B4GALT3: variants seen among roughly 807,000 people sequenced by gnomAD.
B4GALT3 encodes the protein N-acetyllactosamine synthase.
A neutral mutation model predicts 40.7 loss-of-function variants in B4GALT3; 29 were observed. The observed-to-expected ratio is 0.71, with a 90% CI of 0.53 to 0.97. B4GALT3 has a LOEUF of 0.97. Among genes scored for constraint, B4GALT3 ranks in the 50% least tolerant of loss-of-function variants. B4GALT3 has a pLI of 0.00. For synonymous variants in B4GALT3, 182 were observed against 203.9 expected (o/e 0.89, Z 0.92); for missense variants, 390 against 522.3 (o/e 0.75, Z 2.47).
In B4GALT3 at chr1:161,171,523, G is replaced by A. The variant is rs974494638; in HGVS notation, c.*293C>T. ...CTCTCCATGGAAGAGGGAGGGGCTTGGGGTCCAGCCCTGCTCCTACTCTAG... is the reference window on the plus strand; with the variant it reads ...CTCTCCATGGAAGAGGGAGGGGCTTAGGGTCCAGCCCTGCTCCTACTCTAG... On this transcript the variant is annotated 3_prime_UTR_variant, in exon 8 of 8. Transcript: ENST00000319769. 2 of 580,456 alleles carry A rather than the reference G, an allele frequency of 3.4e-6. No homozygotes were observed. Among genetic ancestry groups the A allele is most frequent in the Non-Finnish European group, 6.1e-6 (2 of 329,466 alleles). The allele number at this position is 580,456 out of a possible 1,614,324, so 36.0% of individuals were successfully genotyped here.
rs778678677 is a variant in B4GALT3, at chr1:161,174,048, G to A, written c.491C>T (p.Ala164Val). 3.1e-6 allele frequency: 5 copies of A among 1,613,062 alleles called. No homozygotes were observed. The highest frequency in any genetic ancestry group is 4.2e-6 in the Non-Finnish European group (5 of 1,179,450). Residue 164 changes from alanine (A) to valine (V), a missense_variant and splice_region_variant, in exon 5 of 8, where the codon GCT becomes GTT. Physicochemically the swap from Ala to Val is moderately conservative, Grantham distance 64. Transcript: ENST00000319769. Reference sequence around the variant, plus strand: ...TGCCCTGTTAAATGTTCCATTTCCAGCCTGGAAGATAATGGAGGGGAACCA... The same window carrying A: ...TGCCCTGTTAAATGTTCCATTTCCAACCTGGAAGATAATGGAGGGGAACCA... ...LAYGIYVIHQ[A>V]GNGTFNRAKL...
rs569992585 is a variant in B4GALT3 at position 161,176,269 on chromosome 1, T to C, written c.-15+165A>G. On this transcript the variant is annotated intron_variant, in intron 2 of 7. Transcript: ENST00000319769. ...CACCAGTAACCCTACCACCTGTCAC[T>C]TCAGCCCAAGTTTCGCTCTCCTCTA... The C allele has an allele frequency of 7.2e-5, 47 of 656,436 alleles. No individual in the cohort carries two copies. The African/African-American group carries it at 7.5e-4, about 10-fold the overall frequency. 40.7% of individuals were successfully genotyped at this position (656,436 alleles called of 1,614,324 possible).
chr1:161,176,785 A>AC, intron 1 of B4GALT3: 1 of 1,412,380 alleles, frequency 7.1e-7, no homozygotes, highest in Non-Finnish European at 9.6e-7. Context: ...CCGTACCCCC[A>AC]CCCCAACAGG....
rs1447729429 is a variant in B4GALT3 at position 161,175,059 on chromosome 1, C to T, written c.423G>A (p.Leu141=). 1.2e-6 allele frequency: 2 copies of T among 1,613,926 alleles called. No individual in the cohort carries two copies. The highest frequency in any genetic ancestry group is 2.7e-5 in the African/African-American group (2 of 74,932). Residue 141 remains leucine, a synonymous_variant, in exon 4 of 8, where the codon CTG becomes CTA. Transcript: ENST00000319769. ...GCAAGAAGGGGTGCAGGTGGTAGAG[C>T]AGCAGGCGCAGGTGGTGCTCCCGGG... ...HRAREHHLRL[L]LYHLHPFLQR... is the part of the protein sequence containing the mutation.
rs1269447562 is a variant in B4GALT3, at chr1:161,175,803, C to T, written c.253+5G>A. ...CTTTCACCACCTCCTTCCTCCTGCA[C>T]TTACCTAAGAGAGGAGATCGTTCTG... On this transcript the variant is annotated splice_donor_5th_base_variant and intron_variant, in intron 3 of 7. Coordinates refer to ENST00000319769, the MANE Select transcript of B4GALT3 (RefSeq NM_003779.4). 6.2e-7 allele frequency: 1 copy of T among 1,613,540 alleles called. No homozygotes were observed. The highest frequency in any genetic ancestry group is 2.2e-5 in the East Asian group (1 of 44,876).
chr1:161,174,087 G>A (rs1662514011), intron 4 of B4GALT3, 38 bp from the exon 5 acceptor site: 1 of 1,596,702 alleles, frequency 6.3e-7, no homozygotes, highest in Non-Finnish European at 8.6e-7. Flanking sequence ...TATGTCTGTA[G>A]GTGGCACGGA....
In B4GALT3 at chr1:161,172,339, A is replaced by G. The variant is rs1202655110; in HGVS notation, c.804-8T>C. On this transcript the variant is annotated splice_polypyrimidine_tract_variant and splice_region_variant and intron_variant, in intron 6 of 7. Coordinates refer to ENST00000319769, the MANE Select transcript of B4GALT3 (RefSeq NM_003779.4). ...ATCCCAGCCAGGCGCACCCTATGGGAAAAGTGAGGGTATCATGGGGGATCC... is the reference window on the plus strand; with the variant it reads ...ATCCCAGCCAGGCGCACCCTATGGGGAAAGTGAGGGTATCATGGGGGATCC... The G allele has an allele frequency of 1.2e-6, 2 of 1,612,176 alleles. No individual in the cohort carries two copies. Among genetic ancestry groups the G allele is most frequent in the Non-Finnish European group, 1.7e-6 (2 of 1,178,930 alleles).
Position 161,173,699 on chromosome 1 carries a change from C to T in B4GALT3, c.709G>A (p.Val237Ile). Residue 237 changes from valine to isoleucine, a missense_variant, in exon 6 of 8, where the codon GTC (valine) becomes ATC (isoleucine). Val to Ile is a conservative substitution (Grantham distance 29). Coordinates refer to ENST00000319769, the MANE Select transcript of B4GALT3 (RefSeq NM_003779.4). ...TACTGGTCAGGAGTAAGTGCTGAGA[C>T]TCCTCCGAAGTACTGGGGGTACGGG... ...SLPYPQYFGG[V>I]SALTPDQYLK... 6.2e-7 allele frequency: 1 copy of T among 1,614,160 alleles called. No individual in the cohort carries two copies. Among genetic ancestry groups the T allele is most frequent in the Non-Finnish European group, 8.5e-7 (1 of 1,180,012 alleles).
chr1:161,176,145 G>T, intron 2 of B4GALT3, 71 bp from the exon 3 acceptor site: 1 of 1,522,920 alleles, frequency 6.6e-7, no homozygotes, highest in Non-Finnish European at 9.0e-7. Context: ...CAGTAGGTAG[G>T]GTTGAAGGTG....
At chr1:161,172,187 A>C (rs1309045251) in intron 7 of B4GALT3, 40 bp downstream of exon 7, 1 of 1,612,332 alleles carries the variant, frequency 6.2e-7, no homozygotes, top group Non-Finnish European at 8.5e-7. Context: ...AACCCTGAGG[A>C]TCCAGTAACA....
At position 161,177,213 on chromosome 1, in the gene B4GALT3, C is replaced by T. The variant is rs1663934022; in HGVS notation, c.-161+210G>A. On this transcript the variant is annotated intron_variant, in intron 1 of 7. Coordinates refer to ENST00000319769, the MANE Select transcript of B4GALT3 (RefSeq NM_003779.4). ...CGCTGTGGAGGGGGTTAAAACCCAG[C>T]TCTTTCGGAGCACGCCCATCCTATC... 3.8e-5 allele frequency: 29 copies of T among 772,394 alleles called. No homozygotes were observed. In the South Asian group the frequency reaches 5.3e-4, roughly 14 times the overall value. 47.8% of individuals were successfully genotyped at this position (772,394 alleles called of 1,614,324 possible). A position where few individuals can be genotyped will look rare whatever the true frequency, so the allele number is the denominator to read the frequency against.
intron 1 of B4GALT3, chr1:161,177,119 G>A: frequency 6.6e-7 from 1 of 1,506,144 alleles, no homozygotes; most frequent in East Asian, 2.5e-5. Context: ...GAAGAGAAAG[G>A]GAGAGGGAGA....
At chr1:161,174,489 ACTAT>A (rs1157048066) in intron 4 of B4GALT3, among the ~76,000 whole-genome samples, 1 of 152,018 alleles carries the variant, frequency 6.6e-6, no homozygotes, top group Non-Finnish European at 1.5e-5. Flanking sequence ...AAAAAGAAAG[ACTAT>A]CTTTTTCATT....
Position 161,174,984 on chromosome 1 carries a change from T to C in B4GALT3, c.489+9A>G. 1 of 1,612,300 alleles carries C rather than the reference T, an allele frequency of 6.2e-7. No homozygotes were observed. The highest frequency in any genetic ancestry group is 8.5e-7 in the Non-Finnish European group (1 of 1,179,060). On this transcript the variant is annotated intron_variant, in intron 4 of 7. Transcript: ENST00000319769. The stretch of plus-strand genomic sequence containing the variant: ...AAGTCAGTCAAAATGAGGTGGAGAT[T>C]GGGGGTACCTGGTGGATGACATAGA...
Position 161,175,218 on chromosome 1 carries a change from C to T in B4GALT3, c.264G>A (p.Val88=), listed in dbSNP as rs1571512467. 3 of 1,612,396 alleles carry T rather than the reference C, an allele frequency of 1.9e-6. No homozygotes were observed. The highest frequency in any genetic ancestry group is 1.1e-5 in the South Asian group (1 of 90,894). The change falls in exon 4 of 8, where the codon GTG becomes GTA. Residue 88 remains valine, a synonymous_variant. Coordinates refer to ENST00000319769, the MANE Select transcript of B4GALT3 (RefSeq NM_003779.4). ...PERSPLLVGP[V]SVSFSPVPSL... is the part of the protein sequence containing the mutation. Reference sequence around the variant, plus strand: ...ATGGCACTGGGCTAAAGGACACCGACACAGGACCCACTGTTGGGAAGGAAT... The same window carrying T: ...ATGGCACTGGGCTAAAGGACACCGATACAGGACCCACTGTTGGGAAGGAAT...
Position 161,175,996 on chromosome 1 carries a change from A to C in B4GALT3, c.65T>G (p.Val22Gly). The C allele has an allele frequency of 6.2e-7, 1 of 1,614,092 alleles. No homozygotes were observed. The highest frequency in any genetic ancestry group is 1.3e-5 in the African/African-American group (1 of 74,996). Residue 22 changes from valine to glycine, a missense_variant, in exon 3 of 8, where the codon GTC becomes GGC. Coordinates refer to ENST00000319769, the MANE Select transcript of B4GALT3 (RefSeq NM_003779.4). Reference sequence around the variant, plus strand: ...GCCCCCCAGTGACAGGTACATCATGACAGCCAGCTGGGAGCCCACAAGCAG... The same window carrying C: ...GCCCCCCAGTGACAGGTACATCATGCCAGCCAGCTGGGAGCCCACAAGCAG... ...LALLVGSQLA[V>G]MMYLSLGGFR...
intron 7 of B4GALT3, 26 bp from the exon 8 acceptor site, chr1:161,172,115 G>A: frequency 2.5e-6 from 4 of 1,612,558 alleles, no homozygotes; most frequent in Non-Finnish European, 3.4e-6. Flanking sequence ...TGGAGACTAA[G>A]ACCCAGAAAG....
At chr1:161,177,052 CTCTACCTTT>C in intron 1 of B4GALT3, 1 of 1,535,924 alleles carries the variant, frequency 6.5e-7, no homozygotes. Flanking sequence ...GGGTGGCGTC[CTCTACCTTT>C]TCTACCTTTC....
At chr1:161,176,993 C>T (rs1663790839) in intron 1 of B4GALT3, 2 of 1,535,834 alleles carry the variant, frequency 1.3e-6, no homozygotes, top group African/African-American at 2.7e-5. Context: ...CCGTGACCAC[C>T]TGGGGGCTGT....
Sources: gnomAD v4.1 joint callset for allele counts (sites outside exome capture counted in the v4.1 genomes callset) on GRCh38, gnomAD v4.1.1 for gene constraint, MANE v1.5 for transcripts, NCBI Gene and HGNC (gene_info 2026-07-23, HGNC 2026-07-21) for gene names.